Variants in BAHCC1 observed in about 807,000 individuals in gnomAD.
The protein encoded by BAHCC1 is BAH domain and coiled-coil containing 1, also known as BAH and coiled-coil domain-containing protein 1.
A neutral mutation model predicts 88.2 loss-of-function variants in BAHCC1; 43 were observed. The ratio of observed to expected loss-of-function variants is 0.49; its 90% CI spans 0.38 to 0.63. The LOEUF is 0.63. BAHCC1 is among the 20% of genes least tolerant of loss of function. The probability of loss-of-function intolerance (pLI) is 0.00; values close to 1 mark genes in which losing one functional copy is unlikely to be tolerated. For missense variants in BAHCC1, 3,023 were observed against 1,654.8 expected (o/e 1.83, Z -14.34); for synonymous variants, 1,510 against 745.5 (o/e 2.03, Z -16.71).
In BAHCC1 at chr17:81,461,717, G is replaced by A. The variant is rs1217391388; in HGVS notation, c.7054G>A (p.Glu2352Lys). Residue 2352 changes from glutamate to lysine, a missense_variant, in exon 26 of 28, where the codon GAG becomes AAG. Glu to Lys is a moderately conservative substitution (Grantham distance 56, BLOSUM62 1). Coordinates refer to ENST00000675386, the MANE Select transcript of BAHCC1 (RefSeq NM_001377448.1). ...GGACTCGTCCTACAGCTCAGACGAC[G>A]AGGACCCGGCTCTGCTGCTGCAGAC... ...NEDSSYSSDDEDPALLLQTCL... is the reference protein window; with the variant it reads ...NEDSSYSSDDKDPALLLQTCL... 4 of 718,848 alleles carry A rather than the reference G, an allele frequency of 5.6e-6. No homozygotes were observed. Among genetic ancestry groups the A allele is most frequent in the East Asian group, 2.7e-5 (1 of 37,464 alleles). The allele number at this position is 718,848 out of a possible 1,614,324, so 44.5% of individuals were successfully genotyped here. A position where few individuals can be genotyped will look rare whatever the true frequency, so the allele number is the denominator to read the frequency against.
intron 2 of BAHCC1, chr17:81,400,694 G>C (rs569463743): frequency 6.5e-6 from 1 of 153,754 alleles, no homozygotes; most frequent in African/African-American, 2.4e-5. Flanking sequence ...AGAGGAGAGC[G>C]TGGGGCGCCG....
Position 81,442,090 on chromosome 17 carries a change from G to T in BAHCC1, c.741G>T (p.Lys247Asn). 1 of 705,766 alleles carries T rather than the reference G, an allele frequency of 1.4e-6. No homozygotes were observed. Among genetic ancestry groups the T allele is most frequent in the South Asian group, 1.5e-5 (1 of 66,272 alleles). The allele number at this position is 705,766 out of a possible 1,614,324, so 43.7% of individuals were successfully genotyped here. ...CAGCGGCAGAGGAGGACGGTGGCAA[G>T]GAGCGGCACAAGCTGGTGCTGCCCG... Reference protein sequence around the residue: ...ERPAAEEDGGKERHKLVLPVP... With the variant: ...ERPAAEEDGGNERHKLVLPVP... Residue 247 changes from lysine (K) to asparagine (N), a missense_variant, in exon 5 of 28, where the codon AAG (lysine) becomes AAT (asparagine). Coordinates refer to ENST00000675386, the MANE Select transcript of BAHCC1 (RefSeq NM_001377448.1).
At chr17:81,441,195 C>T (rs1333275480) in intron 4 of BAHCC1, among the ~76,000 whole-genome samples, 4 of 152,146 alleles carry the variant, frequency 2.6e-5, no homozygotes, top group African/African-American at 9.7e-5. Context: ...AACATGGGGG[C>T]AGAGGGTGAG....
At chr17:81,422,221 A>G (rs1555649678) in intron 2 of BAHCC1, among the ~76,000 whole-genome samples, 3 of 152,206 alleles carry the variant, frequency 2.0e-5, no homozygotes, top group Non-Finnish European at 2.9e-5. Context: ...CTTGTTGGCC[A>G]GGGTGGTCTT....
At position 81,455,333 on chromosome 17, in the gene BAHCC1, G is replaced by A. The variant is rs781993297; in HGVS notation, c.4512G>A (p.Ala1504=). The A allele has an allele frequency of 3.5e-5, 25 of 717,028 alleles. No individual in the cohort carries two copies. Among genetic ancestry groups the A allele is most frequent in the African/African-American group, 3.5e-5 (2 of 57,288 alleles). The allele number at this position is 717,028 out of a possible 1,614,324, so 44.4% of individuals were successfully genotyped here. The change falls in exon 15 of 28, where the codon GCG becomes GCA. Residue 1504 remains alanine (A), a synonymous_variant. Coordinates refer to ENST00000675386, the MANE Select transcript of BAHCC1 (RefSeq NM_001377448.1). ...ELRGGSGGEP[A]KKRSKLERSV... The stretch of plus-strand genomic sequence containing the variant: ...GAGGAGGCAGTGGGGGCGAGCCTGC[G>A]AAGAAGCGAAGCAAGCTGGAGAGGA...
intron 2 of BAHCC1, among the ~76,000 whole-genome samples, chr17:81,409,001 T>C (rs1413725406): frequency 6.6e-6 from 1 of 152,202 alleles, no homozygotes; most frequent in Non-Finnish European, 1.5e-5. Flanking sequence ...GCTCTGCTTT[T>C]CCCCTAGGAT....
At chr17:81,432,207 T>C (rs1010202588) in intron 3 of BAHCC1, among the ~76,000 whole-genome samples, 10 of 152,166 alleles carry the variant, frequency 6.6e-5, no homozygotes, top group Admixed American at 2.0e-4. Context: ...GGGGATGGGG[T>C]GCGGCCTTCC....
chr17:81,415,667 G>T (rs562667959), intron 2 of BAHCC1: 254 of 439,426 alleles, frequency 5.8e-4, no homozygotes, highest in African/African-American at 5.0e-3. Context: ...GGGCAGGAGT[G>T]ACCTGAGTCC....
chr17:81,447,243 G>A lies in BAHCC1; in HGVS notation c.3371G>A (p.Arg1124Lys), dbSNP rs868942073. 4 of 721,078 alleles carry A rather than the reference G, an allele frequency of 5.5e-6. 1 individual carries two copies. The South Asian group carries it at 6.1e-5, about 11-fold the overall frequency. 44.7% of individuals were successfully genotyped at this position (721,078 alleles called of 1,614,324 possible). Residue 1124 changes from arginine to lysine, a missense_variant, in exon 11 of 28, where the codon AGG becomes AAG. Arg to Lys is a conservative substitution (Grantham distance 26, BLOSUM62 2). Coordinates refer to ENST00000675386, the MANE Select transcript of BAHCC1 (RefSeq NM_001377448.1). ...LEEPGLLSGAREATQDLAATP... is the reference protein window; with the variant it reads ...LEEPGLLSGAKEATQDLAATP... ...GAGCCCGGGCTGCTCTCAGGGGCCA[G>A]GGAGGCCACCCAGGACCTTGCCGCC...
At position 81,462,865 on chromosome 17, in the gene BAHCC1, C is replaced by T. The variant is rs782734477; in HGVS notation, c.7509C>T (p.Ile2503=). Residue 2503 remains isoleucine (I), a synonymous_variant, in exon 27 of 28, where the codon ATC becomes ATT. Transcript: ENST00000675386. The stretch of plus-strand genomic sequence containing the variant: ...CTGGGCGGCCCAACCTCCCCTACAT[C>T]GGCCGCATCGAGAGCATGTGGGAGT... The part of the protein sequence containing the change: ...LSAGRPNLPY[I]GRIESMWESW... 1.3e-5 allele frequency: 10 copies of T among 783,700 alleles called. No individual in the cohort carries two copies. The highest frequency in any genetic ancestry group is 8.4e-5 in the African/African-American group (5 of 59,212). The allele number at this position is 783,700 out of a possible 1,614,324, so 48.5% of individuals were successfully genotyped here. A position where few individuals can be genotyped will look rare whatever the true frequency, so the allele number is the denominator to read the frequency against.
At chr17:81,418,784 T>TGG (rs2064069765) in intron 2 of BAHCC1, among the ~76,000 whole-genome samples, 1 of 121,600 alleles carries the variant, frequency 8.2e-6, no homozygotes, top group Non-Finnish European at 1.8e-5. Flanking sequence ...TACGTGTGTG[T>TGG]GTACGTGTGT....
chr17:81,433,974 G>A (rs1555651359), intron 3 of BAHCC1, among the ~76,000 whole-genome samples: 4 of 152,314 alleles, frequency 2.6e-5, no homozygotes, highest in Admixed American at 6.5e-5. Flanking sequence ...GCTGAGCCTC[G>A]TGCGTGTGGC....
chr17:81,445,167 G>A lies in BAHCC1; in HGVS notation c.2824G>A (p.Ala942Thr), dbSNP rs201552173. 196 of 769,218 alleles carry A rather than the reference G, an allele frequency of 2.5e-4. No individual in the cohort carries two copies. In the East Asian group the frequency reaches 3.1e-3, roughly 12 times the overall value. 47.6% of individuals were successfully genotyped at this position (769,218 alleles called of 1,614,324 possible). A position where few individuals can be genotyped will look rare whatever the true frequency, so the allele number is the denominator to read the frequency against. ...CTATGCTTTGCAGCAGCAGAGGGCC[G>A]CCCAGTTCCAGGTACCGCCCCTAGC... ...ELYALQQQRA[A>T]QFQRKPEDQH... Residue 942 changes from alanine to threonine, a missense_variant, in exon 9 of 28, where the codon GCC becomes ACC. Physicochemically the swap from Ala to Thr is moderately conservative, Grantham distance 58. Transcript: ENST00000675386.
intron 11 of BAHCC1, among the ~76,000 whole-genome samples, chr17:81,449,682 C>A (rs1302507771): frequency 3.9e-5 from 6 of 152,028 alleles, no homozygotes; most frequent in African/African-American, 7.2e-5. Flanking sequence ...GCCCACCCCC[C>A]CTCGGCCCTC....
intron 3 of BAHCC1, among the ~76,000 whole-genome samples, chr17:81,436,466 TAC>T (rs1555651764): frequency 1.3e-5 from 2 of 152,214 alleles, no homozygotes; most frequent in East Asian, 3.8e-4. Flanking sequence ...AGGAGGAATT[TAC>T]AGACTTCTGT....
At chr17:81,432,902 GCCCACCCTTCCCCCC>G (rs2064284695) in intron 3 of BAHCC1, among the ~76,000 whole-genome samples, 1 of 14,760 alleles carries the variant, frequency 6.8e-5, no homozygotes, top group Non-Finnish European at 1.7e-4. Context: ...CCATCCCCAG[GCCCACCCTTCCCCCC>G]ATCCCCAGGA....
chr17:81,410,975 T>C (rs1598456393), intron 2 of BAHCC1: 3 of 447,660 alleles, frequency 6.7e-6, no homozygotes, highest in East Asian at 1.3e-4. Flanking sequence ...GTCCCTCCCA[T>C]GAAAGGAGGG....
chr17:81,447,880 G>A, intron 11 of BAHCC1, 32 bp downstream of exon 11: 1 of 715,028 alleles, frequency 1.4e-6, no homozygotes, highest in Non-Finnish European at 2.6e-6. Context: ...ACCCCCCAGA[G>A]TCCCAGCAGT....
rs144587152 is a variant in BAHCC1 at position 81,415,731 on chromosome 17, G to A, written c.179-11069G>A. 5.6e-5 allele frequency: 19 copies of A among 338,924 alleles called. No individual in the cohort carries two copies. In the East Asian group the frequency reaches 1.8e-3, roughly 32 times the overall value. 21.0% of individuals were successfully genotyped at this position (338,924 alleles called of 1,614,324 possible). The stretch of plus-strand genomic sequence containing the variant: ...CAACATAGCCACCTCCATGCTGGAT[G>A]TGGTGATCACAGCGTGCGAAGCTGT... On this transcript the variant is annotated intron_variant, in intron 2 of 27. Coordinates refer to ENST00000675386, the MANE Select transcript of BAHCC1 (RefSeq NM_001377448.1).
Sources: allele counts gnomAD v4.1 joint callset (sites outside exome capture counted in the v4.1 genomes callset), GRCh38; gene constraint gnomAD v4.1.1; transcripts MANE v1.5; gene names NCBI Gene and HGNC (gene_info 2026-07-23, HGNC 2026-07-21).